The following SGMS1 variants were observed in gnomAD, a reference collection of about 807,000 sequenced individuals.
SGMS1 encodes sphingomyelin synthase 1, also known as phosphatidylcholine:ceramide cholinephosphotransferase 1.
Under a neutral mutation model 46.2 loss-of-function variants are expected in SGMS1, and 13 were observed. That is an observed-to-expected ratio of 0.28 (90% confidence interval 0.18 to 0.45). The LOEUF (loss-of-function observed/expected upper bound fraction) is 0.45, where lower values mean the gene tolerates loss of function less well. SGMS1 is among the 20% of genes least tolerant of loss of function. The pLI is 1.00. For synonymous variants in SGMS1, 203 were observed against 187.8 expected (o/e 1.08, Z -0.66); for missense variants, 324 against 519.9 (o/e 0.62, Z 3.66).
intron 6 of SGMS1, among the ~76,000 whole-genome samples, chr10:50,406,186 GA>G (rs768652122): frequency 1.2e-4 from 18 of 152,148 alleles, no homozygotes; most frequent in Admixed American, 2.6e-4. Flanking sequence ...TGCAAAAGGG[GA>G]TCTGAGCCCT....
intron 1 of SGMS1, among the ~76,000 whole-genome samples, chr10:50,592,903 G>T (rs1329296131): frequency 8.6e-6 from 1 of 116,308 alleles, no homozygotes; most frequent in Admixed American, 8.1e-5. Context: ...AACTGTGGTA[G>T]CCAGCCTCCA....
chr10:50,397,528 G>A (rs891557066), intron 6 of SGMS1, among the ~76,000 whole-genome samples: 4 of 152,264 alleles, frequency 2.6e-5, no homozygotes, highest in Non-Finnish European at 4.4e-5. Context: ...CTCTCTCGCC[G>A]AGAGAGAAAA....
chr10:50,599,206 G>GCAAAAAAACAGTAA (rs528080924), intron 1 of SGMS1, among the ~76,000 whole-genome samples: 2 of 152,072 alleles, frequency 1.3e-5, no homozygotes, highest in Non-Finnish European at 2.9e-5. Flanking sequence ...CAGAGTGACT[G>GCAAAAAAACAGTAA]CAAAAAAACA....
upstream of SGMS1, chr10:50,624,069 CG>C (rs1191881330): frequency 3.8e-5 from 37 of 985,216 alleles, no homozygotes; most frequent in East Asian, 2.3e-4. Context: ...GCGGGGTCCG[CG>C]GGGGGCTCCT....
chr10:50,310,423 T>C (rs1304161408), intron 9 of SGMS1, among the ~76,000 whole-genome samples: 1 of 152,172 alleles, frequency 6.6e-6, no homozygotes, highest in Non-Finnish European at 1.5e-5. Context: ...GTAATATTAA[T>C]AGCAATTAAA....
At chr10:50,611,462 C>T (rs910219304) in intron 1 of SGMS1, among the ~76,000 whole-genome samples, 1 of 152,254 alleles carries the variant, frequency 6.6e-6, no homozygotes, top group Non-Finnish European at 1.5e-5. Flanking sequence ...ATCAGGGCCC[C>T]TGGGTCCTTG....
intron 2 of SGMS1, among the ~76,000 whole-genome samples, chr10:50,551,729 C>T (rs1838150221): frequency 6.6e-6 from 1 of 152,048 alleles, no homozygotes. Context: ...CTCCCATACC[C>T]CATACCCAGG....
intron 2 of SGMS1, among the ~76,000 whole-genome samples, chr10:50,574,261 A>C (rs1044416818): frequency 1.3e-5 from 2 of 152,186 alleles, no homozygotes; most frequent in Non-Finnish European, 2.9e-5. Context: ...AAAAAAGATT[A>C]ACATCTATTA....
At chr10:50,465,937 A>AATAGTC (rs11282479) in intron 4 of SGMS1, among the ~76,000 whole-genome samples, 20,149 of 152,144 alleles carry the variant, frequency 0.13, 1,437 homozygotes, top group Middle Eastern at 0.22. Flanking sequence ...CCACAAAAAA[A>AATAGTC]ATAATAAAGT....
At chr10:50,452,947 T>C (rs937630084) in intron 5 of SGMS1, among the ~76,000 whole-genome samples, 1 of 152,142 alleles carries the variant, frequency 6.6e-6, no homozygotes, top group African/African-American at 2.4e-5. Flanking sequence ...GAGAATATAA[T>C]GTAAAGAGTG....
chr10:50,385,767 CTT>C (rs1848673911), intron 6 of SGMS1, among the ~76,000 whole-genome samples: 1 of 152,162 alleles, frequency 6.6e-6, no homozygotes, highest in Non-Finnish European at 1.5e-5. Context: ...GCATGTCTCT[CTT>C]GTTTCATTTT....
rs11555525 is a variant in SGMS1, at chr10:50,344,302, G to A, written c.-188C>T. The A allele has an allele frequency of 5.3e-4, 316 of 591,448 alleles. No individual in the cohort carries two copies. Among genetic ancestry groups the A allele is most frequent in the African/African-American group, 4.6e-3 (248 of 54,468 alleles). The allele number at this position is 591,448 out of a possible 1,614,324, so 36.6% of individuals were successfully genotyped here. A position where few individuals can be genotyped will look rare whatever the true frequency, so the allele number is the denominator to read the frequency against. ...ATGTAGCTGTCCAGGGTTCCTGAGC[G>A]CCCAAGTATTAATTCACCTCATTTT... On this transcript the variant is annotated 5_prime_UTR_variant, in exon 7 of 11. Transcript: ENST00000361781.
chr10:50,504,161 AC>A (rs1467569791), intron 3 of SGMS1, among the ~76,000 whole-genome samples: 2 of 152,222 alleles, frequency 1.3e-5, no homozygotes, highest in Non-Finnish European at 2.9e-5. Context: ...CATGCAGGGT[AC>A]CTGAAACCAG....
intron 2 of SGMS1, among the ~76,000 whole-genome samples, chr10:50,535,004 C>T (rs1462407958): frequency 2.6e-5 from 4 of 152,124 alleles, no homozygotes; most frequent in African/African-American, 7.2e-5. Flanking sequence ...GAGGCCGAGG[C>T]GGTTGAATCA....
At chr10:50,477,471 C>G (rs1837437769) in intron 3 of SGMS1, among the ~76,000 whole-genome samples, 1 of 152,104 alleles carries the variant, frequency 6.6e-6, no homozygotes, top group South Asian at 2.1e-4. Context: ...TGGACCTGGA[C>G]TTTTGGTTAA....
At chr10:50,540,949 T>C (rs1838046583) in intron 2 of SGMS1, among the ~76,000 whole-genome samples, 1 of 152,026 alleles carries the variant, frequency 6.6e-6, no homozygotes, top group African/African-American at 2.4e-5. Flanking sequence ...GGAGGGTGGA[T>C]TTGAGATACT....
At chr10:50,334,637 T>C (rs1847686075) in intron 7 of SGMS1, 1 of 152,190 alleles carries the variant, frequency 6.6e-6, no homozygotes, top group South Asian at 2.1e-4. Context: ...GCACAGTAAC[T>C]AGCATGTGCA....
chr10:50,307,990 T>A lies in SGMS1; in HGVS notation c.1054A>T (p.Asn352Tyr). Residue 352 changes from asparagine (N) to tyrosine (Y), a missense_variant, in exon 10 of 11, where the codon AAT becomes TAT. This residue lies in a region of SGMS1 where 174 missense variants were observed against 350.1 expected (regional missense o/e 0.50). Coordinates refer to ENST00000361781, the MANE Select transcript of SGMS1 (RefSeq NM_147156.4). The surrounding 1 kb of genome is among the most constrained non-coding windows in gnomAD (Gnocchi z 4.2). ...AAAGCGGGGAAACTCACTTGCTGAT[T>A]GGCCATAGTGTGATACCACCAGAAG... ...RLFWWYHTMA[N>Y]QQVLKEASQM... 6.2e-7 allele frequency: 1 copy of A among 1,613,156 alleles called. No homozygotes were observed. The highest frequency in any genetic ancestry group is 8.5e-7 in the Non-Finnish European group (1 of 1,179,766).
At chr10:50,425,880 G>C (rs577173692) in intron 6 of SGMS1, among the ~76,000 whole-genome samples, 7 of 152,232 alleles carry the variant, frequency 4.6e-5, no homozygotes, top group Admixed American at 3.3e-4. Context: ...CCCTGAACCT[G>C]TGGCAATGTG....
Sources: gnomAD v4.1 joint callset for allele counts (sites outside exome capture counted in the v4.1 genomes callset) on GRCh38, gnomAD v4.1.1 for gene constraint, gnomAD v4.1.1 regional missense constraint, Gnocchi (gnomAD v3.1) non-coding constraint, MANE v1.5 for transcripts, NCBI Gene and HGNC (gene_info 2026-07-23, HGNC 2026-07-21) for gene names.